Variants in GOLPH3L observed in about 807,000 individuals in gnomAD.
The protein encoded by GOLPH3L is Golgi phosphoprotein 3-like.
A neutral mutation model predicts 30.3 loss-of-function variants in GOLPH3L; 22 were observed. That is an observed-to-expected ratio of 0.73 (90% CI 0.52 to 1.04). The LOEUF (loss-of-function observed/expected upper bound fraction) is 1.04, where lower values mean the gene tolerates loss of function less well. GOLPH3L is among the 50% of genes least tolerant of loss of function. The pLI, the probability that GOLPH3L is intolerant of heterozygous loss-of-function variation, is 0.00. For missense variants in GOLPH3L, 303 were observed against 345.8 expected (o/e 0.88, Z 0.98); for synonymous variants, 120 against 128.2 (o/e 0.94, Z 0.43).
chr1:150,650,048 G>C (rs1305774421), intron 4 of GOLPH3L, among the ~76,000 whole-genome samples: 2 of 152,004 alleles, frequency 1.3e-5, no homozygotes, highest in Non-Finnish European at 2.9e-5. Flanking sequence ...CCTGGTGTAT[G>C]TCCAAGGATG....
chr1:150,684,832 T>A (rs587619467), intron 2 of GOLPH3L, among the ~76,000 whole-genome samples: 1 of 152,134 alleles, frequency 6.6e-6, no homozygotes, highest in African/African-American at 2.4e-5. Flanking sequence ...CACGCCCAGC[T>A]AATTTTTGTA....
chr1:150,676,119 G>A (rs936165104), intron 2 of GOLPH3L, among the ~76,000 whole-genome samples: 6 of 151,812 alleles, frequency 4.0e-5, no homozygotes, highest in South Asian at 2.1e-4. Context: ...AACTACCAGC[G>A]CATGCCACCA....
At chr1:150,666,366 G>A (rs1650498772) in intron 2 of GOLPH3L, among the ~76,000 whole-genome samples, 1 of 151,942 alleles carries the variant, frequency 6.6e-6, no homozygotes, top group South Asian at 2.1e-4. Context: ...TTGTTTCTGA[G>A]ATGGAGTCTC....
Position 150,663,657 on chromosome 1 carries a change from C to T in GOLPH3L, c.290G>A (p.Arg97His), listed in dbSNP as rs587718255. The T allele has an allele frequency of 1.5e-5, 25 of 1,613,482 alleles. No homozygotes were observed. Among genetic ancestry groups the T allele is most frequent in the African/African-American group, 2.7e-5 (2 of 75,006 alleles). The change falls in exon 3 of 5, where the codon CGT (arginine) becomes CAT (histidine). Residue 97 changes from arginine (R) to histidine (H), a missense_variant. Coordinates refer to ENST00000271732, the MANE Select transcript of GOLPH3L (RefSeq NM_018178.6). ...CTTTCTGTCTAGTAGTCGCTTCTTA[C>T]GCATGGTCGGGGGTTCCAGATAGAT... ...GRIYLEPPTM[R>H]KKRLLDRKVL... is the part of the protein sequence containing the mutation.
At chr1:150,658,367 CAG>C (rs1650294323) in intron 4 of GOLPH3L, among the ~76,000 whole-genome samples, 2 of 152,226 alleles carry the variant, frequency 1.3e-5, no homozygotes, top group Non-Finnish European at 2.9e-5. Context: ...AGGGCTGACA[CAG>C]AGAACAATTA....
intron 2 of GOLPH3L, among the ~76,000 whole-genome samples, chr1:150,682,623 CAAAAAAAAA>C (rs145118551): frequency 0.017 from 862 of 50,350 alleles, 9 homozygotes; most frequent in Admixed American, 0.029. Context: ...GACTCTTTCT[CAAAAAAAAA>C]AAAAAAAAAA....
intron 4 of GOLPH3L, among the ~76,000 whole-genome samples, chr1:150,650,649 C>A (rs1389659836): frequency 6.6e-6 from 1 of 152,122 alleles, no homozygotes; most frequent in Non-Finnish European, 1.5e-5. Context: ...CCTTGTGAGA[C>A]TCTAATAAAT....
At chr1:150,651,387 C>T (rs186042110) in intron 4 of GOLPH3L, among the ~76,000 whole-genome samples, 212 of 152,160 alleles carry the variant, frequency 1.4e-3, no homozygotes, top group Non-Finnish European at 2.1e-3. Flanking sequence ...TGGTGGCTCA[C>T]GTCTGTAATC....
chr1:150,691,066 G>C (rs1345201799), intron 2 of GOLPH3L, among the ~76,000 whole-genome samples: 1 of 151,762 alleles, frequency 6.6e-6, no homozygotes, highest in Non-Finnish European at 1.5e-5. Context: ...GGCCAAGGCA[G>C]GTGGATCACT....
At chr1:150,664,433 T>A (rs1650448412) in intron 2 of GOLPH3L, among the ~76,000 whole-genome samples, 1 of 152,088 alleles carries the variant, frequency 6.6e-6, no homozygotes, top group East Asian at 1.9e-4. Flanking sequence ...TTAATCCTCC[T>A]AGATATGTAT....
intron 2 of GOLPH3L, among the ~76,000 whole-genome samples, chr1:150,683,142 C>T (rs1650997549): frequency 6.6e-6 from 1 of 152,170 alleles, no homozygotes; most frequent in Non-Finnish European, 1.5e-5. Context: ...TGGCTCATGC[C>T]TATAGTCCCA....
At chr1:150,677,379 G>A (rs1293802381) in intron 2 of GOLPH3L, among the ~76,000 whole-genome samples, 1 of 152,034 alleles carries the variant, frequency 6.6e-6, no homozygotes, top group Non-Finnish European at 1.5e-5. Flanking sequence ...TGGGATTACA[G>A]GCGTATGTCA....
intron 4 of GOLPH3L, among the ~76,000 whole-genome samples, chr1:150,650,397 G>C (rs1036544298): frequency 3.3e-5 from 5 of 152,212 alleles, no homozygotes; most frequent in African/African-American, 1.2e-4. Flanking sequence ...AAATTACCAA[G>C]CAAACAACAC....
In GOLPH3L at chr1:150,649,849, T is replaced by C. The variant is rs587711718; in HGVS notation, c.431-1101A>G. On this transcript the variant is annotated intron_variant, in intron 4 of 4. Coordinates refer to ENST00000271732, the MANE Select transcript of GOLPH3L (RefSeq NM_018178.6). Reference sequence around the variant, plus strand: ...AAGCTAAGCTTAAAAATAATAATAATAGCCGGGTGTGGTGGTACACGCCTG... The same window carrying C: ...AAGCTAAGCTTAAAAATAATAATAACAGCCGGGTGTGGTGGTACACGCCTG... Among the ~76,000 whole-genome samples the C allele has an allele frequency of 5.3e-5, 8 of 151,886 alleles. No individual in the cohort carries two copies. In the South Asian group the frequency reaches 1.0e-3, roughly 20 times the overall value.
chr1:150,678,791 G>C (rs1010845881), intron 2 of GOLPH3L, among the ~76,000 whole-genome samples: 2 of 151,964 alleles, frequency 1.3e-5, no homozygotes, highest in Non-Finnish European at 2.9e-5. Context: ...CCCATCTCTA[G>C]TAAAAACACA....
chr1:150,661,161 G>A (rs587620682), intron 4 of GOLPH3L, among the ~76,000 whole-genome samples: 2 of 152,294 alleles, frequency 1.3e-5, no homozygotes, highest in East Asian at 3.9e-4. Context: ...CCGGGAGGCA[G>A]AGGTTGCAGT....
chr1:150,684,564 T>C (rs1253754883), intron 2 of GOLPH3L, among the ~76,000 whole-genome samples: 1 of 152,202 alleles, frequency 6.6e-6, no homozygotes, highest in Non-Finnish European at 1.5e-5. Context: ...AGTGTCTCCC[T>C]CCTTCCATAA....
At chr1:150,660,739 ATAGAAAAAGAAAG>A (rs1182377394) in intron 4 of GOLPH3L, among the ~76,000 whole-genome samples, 1 of 152,230 alleles carries the variant, frequency 6.6e-6, no homozygotes, top group East Asian at 1.9e-4. Context: ...AAGCAAATTC[ATAGAAAAAGAAAG>A]TAGAATAGAG....
intron 2 of GOLPH3L, among the ~76,000 whole-genome samples, chr1:150,682,992 A>G (rs959215278): frequency 1.3e-5 from 2 of 152,156 alleles, no homozygotes; most frequent in East Asian, 1.9e-4. Context: ...GTCTAGCTGT[A>G]TGGTTACTGC....
Sources: gnomAD v4.1 joint callset for allele counts (sites outside exome capture counted in the v4.1 genomes callset) on GRCh38, gnomAD v4.1.1 for gene constraint, MANE v1.5 for transcripts, NCBI Gene and HGNC (gene_info 2026-07-23, HGNC 2026-07-21) for gene names.